ACTR3: variants seen among roughly 807,000 people sequenced by gnomAD.
ACTR3 encodes the protein actin related protein 3.
Under a neutral mutation model 56.8 loss-of-function variants are expected in ACTR3, and 12 were observed. The ratio of observed to expected loss-of-function variants is 0.21; its 90% confidence interval spans 0.14 to 0.34. ACTR3 has a LOEUF of 0.34. Among genes scored for constraint, ACTR3 ranks in the 10% least tolerant of loss-of-function variants. The pLI, the probability that ACTR3 is intolerant of heterozygous loss-of-function variation, is 1.00. For synonymous variants in ACTR3, 162 were observed against 167.4 expected (o/e 0.97, Z 0.25); for missense variants, 282 against 512.5 (o/e 0.55, Z 4.34).
intron 11 of ACTR3, among the ~76,000 whole-genome samples, chr2:113,956,098 G>A (rs1214167459): frequency 6.6e-6 from 1 of 151,636 alleles, no homozygotes; most frequent in Non-Finnish European, 1.5e-5. Context: ...ACTATGTTGG[G>A]CCAGGCTGGT....
At chr2:113,950,416 T>C (rs1680098987) in intron 8 of ACTR3, among the ~76,000 whole-genome samples, 1 of 152,216 alleles carries the variant, frequency 6.6e-6, no homozygotes, top group African/African-American at 2.4e-5. Context: ...GAGCTGAAAC[T>C]AGATAGCAGA....
At position 113,960,273 on chromosome 2, in the gene ACTR3, T is replaced by C. The variant is rs888076668; in HGVS notation, c.*2818T>C. The C allele has an allele frequency of 6.6e-6, 1 of 152,012 alleles. No individual in the cohort carries two copies. Among genetic ancestry groups the C allele is most frequent in the African/African-American group, 2.4e-5 (1 of 41,432 alleles). The allele number at this position is 152,012 out of a possible 1,614,324, so 9.4% of individuals were successfully genotyped here. ...AGACATTAATTCATGGCACCTACTA[T>C]AAGTACTCATCCTCTTCTTACCTAT... On this transcript the variant is annotated 3_prime_UTR_variant, in exon 12 of 12. Coordinates refer to ENST00000263238, the MANE Select transcript of ACTR3 (RefSeq NM_005721.5).
intron 5 of ACTR3, 68 bp from the exon 6 acceptor site, chr2:113,934,211 C>A: frequency 8.3e-6 from 8 of 969,184 alleles, no homozygotes; most frequent in Middle Eastern, 2.5e-4. Context: ...TTTTTTTTTT[C>A]GATTAACTCT....
intron 11 of ACTR3, 152 bp from the exon 12 acceptor site, chr2:113,957,208 G>C (rs1680232492): frequency 9.2e-6 from 5 of 543,216 alleles, no homozygotes; most frequent in Non-Finnish European, 1.3e-5. Context: ...ATGGCTGCTA[G>C]AATTTCTAAG....
intron 1 of ACTR3, among the ~76,000 whole-genome samples, chr2:113,891,542 A>C (rs1413465807): frequency 6.7e-6 from 1 of 149,496 alleles, no homozygotes; most frequent in African/African-American, 2.5e-5. Context: ...TGCTGATGAC[A>C]TCTCTCCAAT....
intron 3 of ACTR3, among the ~76,000 whole-genome samples, chr2:113,922,830 G>A (rs1305918383): frequency 1.3e-5 from 2 of 152,188 alleles, no homozygotes; most frequent in Admixed American, 6.5e-5. Context: ...GCAACCAGTG[G>A]ACCAAAAGTC....
intron 1 of ACTR3, among the ~76,000 whole-genome samples, chr2:113,900,270 A>G (rs376940965): frequency 1.2e-4 from 19 of 152,286 alleles, no homozygotes; most frequent in African/African-American, 3.6e-4. Context: ...CCCTACACCC[A>G]GTAGCAGTCA....
chr2:113,897,120 A>G (rs900820071), intron 1 of ACTR3, among the ~76,000 whole-genome samples: 5 of 152,236 alleles, frequency 3.3e-5, no homozygotes, highest in Non-Finnish European at 7.3e-5. Context: ...AGAGCAAAGC[A>G]ATTAAGTAAT....
chr2:113,895,499 T>C (rs925198637), intron 1 of ACTR3, among the ~76,000 whole-genome samples: 4 of 151,356 alleles, frequency 2.6e-5, no homozygotes, highest in African/African-American at 4.9e-5. Context: ...AAACACCCCA[T>C]ACCCAGTGAC....
At chr2:113,954,996 A>G (rs1479262657) in intron 10 of ACTR3, 1 of 152,134 alleles carries the variant, frequency 6.6e-6, no homozygotes, top group Admixed American at 6.6e-5. Flanking sequence ...CTGCCCTTCC[A>G]TATTGTAATG....
At chr2:113,914,478 G>C (rs907800402) in intron 2 of ACTR3, among the ~76,000 whole-genome samples, 1 of 151,976 alleles carries the variant, frequency 6.6e-6, no homozygotes. Flanking sequence ...AGGCATGGTG[G>C]TGCACACCTG....
chr2:113,936,632 T>C (rs34084885), intron 6 of ACTR3, among the ~76,000 whole-genome samples: 11,186 of 152,268 alleles, frequency 0.073, 459 homozygotes, highest in African/African-American at 0.1. Context: ...AACTCAATAA[T>C]ACATTGTTAA....
chr2:113,951,003 T>G (rs956393758), intron 8 of ACTR3: 1 of 152,816 alleles, frequency 6.5e-6, no homozygotes, highest in Admixed American at 6.5e-5. Flanking sequence ...TGCAACTTAT[T>G]CACTCCATGA....
chr2:113,929,948 G>A (rs1171234967), intron 4 of ACTR3, among the ~76,000 whole-genome samples: 1 of 152,036 alleles, frequency 6.6e-6, no homozygotes, highest in Admixed American at 6.6e-5. Context: ...CAAAGTGCTG[G>A]GATTATAGAT....
chr2:113,896,362 C>T (rs1197632329), intron 1 of ACTR3, among the ~76,000 whole-genome samples: 1 of 152,192 alleles, frequency 6.6e-6, no homozygotes, highest in East Asian at 1.9e-4. Context: ...CTACCACACA[C>T]AGTTCTCTGC....
intron 6 of ACTR3, among the ~76,000 whole-genome samples, chr2:113,939,721 C>T (rs927307909): frequency 3.3e-5 from 5 of 152,032 alleles, no homozygotes; most frequent in African/African-American, 1.2e-4. Context: ...TTTATTATTT[C>T]TATATTGTTG....
rs755140424 is a variant in ACTR3, at chr2:113,939,982, C to T, written c.564C>T (p.Ser188=). ...AGGCTGAAGGGTATGTGATTGGCAGCTGTATTAAACACATTCCAATCGCAG... is the reference window on the plus strand; with the variant it reads ...AGGCTGAAGGGTATGTGATTGGCAGTTGTATTAAACACATTCCAATCGCAG... The part of the protein sequence containing the change: ...IPVAEGYVIG[S]CIKHIPIAGR... Residue 188 remains serine (S), a synonymous_variant, in exon 7 of 12, where the codon AGC becomes AGT. Coordinates refer to ENST00000263238, the MANE Select transcript of ACTR3 (RefSeq NM_005721.5). 7 of 1,607,312 alleles carry T rather than the reference C, an allele frequency of 4.4e-6. No individual in the cohort carries two copies. The East Asian group carries it at 1.6e-4, about 36-fold the overall frequency.
intron 6 of ACTR3, among the ~76,000 whole-genome samples, chr2:113,935,215 A>G (rs1460147184): frequency 6.6e-6 from 1 of 151,864 alleles, no homozygotes; most frequent in Non-Finnish European, 1.5e-5. Context: ...CTTAAGATAA[A>G]ATTCATATAC....
chr2:113,892,144 C>G (rs1678916032), intron 1 of ACTR3, among the ~76,000 whole-genome samples: 2 of 152,156 alleles, frequency 1.3e-5, no homozygotes, highest in Non-Finnish European at 2.9e-5. Flanking sequence ...CCATTTTCCC[C>G]CTTTTGAAAT....
Sources: gnomAD v4.1 joint callset for allele counts (sites outside exome capture counted in the v4.1 genomes callset) on GRCh38, gnomAD v4.1.1 for gene constraint, MANE v1.5 for transcripts, NCBI Gene and HGNC (gene_info 2026-07-23, HGNC 2026-07-21) for gene names.